The following RBM27 variants were observed in gnomAD, a reference collection of about 807,000 sequenced individuals.
RBM27 encodes the protein RNA-binding protein 27.
Under a neutral mutation model 135.3 loss-of-function variants are expected in RBM27, and 22 were observed. The ratio of observed to expected loss-of-function variants is 0.16; its 90% CI spans 0.12 to 0.23. The LOEUF (loss-of-function observed/expected upper bound fraction) is 0.23. Ranked by LOEUF, RBM27 falls within the 10% of genes least tolerant of loss-of-function variation. The pLI, the probability that RBM27 is intolerant of heterozygous loss-of-function variation, is 1.00. For missense variants in RBM27, 1,009 were observed against 1,281.0 expected (o/e 0.79, Z 3.24); for synonymous variants, 481 against 442.4 (o/e 1.09, Z -1.10).
intron 6 of RBM27, among the ~76,000 whole-genome samples, chr5:146,232,617 G>A (rs1756986256): frequency 6.6e-6 from 1 of 151,874 alleles, no homozygotes; most frequent in Admixed American, 6.6e-5. Context: ...TCACCAGGCA[G>A]GAGTGCAGTG....
chr5:146,228,016 A>G (rs1033690811), intron 3 of RBM27, among the ~76,000 whole-genome samples: 5 of 152,192 alleles, frequency 3.3e-5, no homozygotes, highest in Admixed American at 6.5e-5. Context: ...GTTTTACTCT[A>G]TGGTACTTAA....
chr5:146,228,063 A>G (rs899774850), intron 3 of RBM27, among the ~76,000 whole-genome samples: 1 of 152,168 alleles, frequency 6.6e-6, no homozygotes, highest in African/African-American at 2.4e-5. Flanking sequence ...TGAATTGTTT[A>G]TACTTTTCCT....
chr5:146,282,296 G>A (rs560650287), intron 19 of RBM27, among the ~76,000 whole-genome samples: 4 of 152,248 alleles, frequency 2.6e-5, no homozygotes, highest in Admixed American at 6.5e-5. Context: ...GTGAGCCACC[G>A]CACCCAGCCT....
chr5:146,215,639 A>G (rs1183226737), intron 1 of RBM27, among the ~76,000 whole-genome samples: 1 of 152,178 alleles, frequency 6.6e-6, no homozygotes, highest in Non-Finnish European at 1.5e-5. Flanking sequence ...ATATGAATGT[A>G]GACTAGAACT....
Position 146,203,748 on chromosome 5 carries a change from G to A in RBM27, c.-18G>A. 6.5e-7 allele frequency: 1 copy of A among 1,549,196 alleles called. No homozygotes were observed. Among genetic ancestry groups the A allele is most frequent in the Admixed American group, 2.0e-5 (1 of 50,898 alleles). On this transcript the variant is annotated 5_prime_UTR_variant, in exon 1 of 21. Coordinates refer to ENST00000265271, the MANE Select transcript of RBM27 (RefSeq NM_018989.2). ...AGGCCTGAAGAAGAGCGGCGGCCGA[G>A]CCCGCCTTCCCTGCACCATGCTCAT...
Position 146,269,288 on chromosome 5 carries a change from CAA to C in RBM27, c.2526+8_2526+9del, listed in dbSNP as rs750648173. The stretch of plus-strand genomic sequence containing the variant: ...GCAAATAGAATGCCAAAAGGTAAGA[CAA>C]GAGCTCATTATTTGCATGCTAGAAT... On this transcript the variant is annotated splice_region_variant and intron_variant, in intron 16 of 20. Coordinates refer to ENST00000265271, the MANE Select transcript of RBM27 (RefSeq NM_018989.2). 2 of 1,592,778 alleles carry C rather than the reference CAA, an allele frequency of 1.3e-6. No homozygotes were observed. The highest frequency in any genetic ancestry group is 2.2e-5 in the East Asian group (1 of 44,610).
At chr5:146,206,366 C>CTTTT (rs530310551) in intron 1 of RBM27, among the ~76,000 whole-genome samples, 1 of 92,690 alleles carries the variant, frequency 1.1e-5, no homozygotes, top group Non-Finnish European at 2.3e-5. Flanking sequence ...CTTGCTTAGG[C>CTTTT]TTTTTTTTTT....
intron 15 of RBM27, among the ~76,000 whole-genome samples, chr5:146,268,690 C>T (rs773589575): frequency 1.3e-5 from 2 of 152,092 alleles, no homozygotes; most frequent in Non-Finnish European, 2.9e-5. Flanking sequence ...TCAAATGATC[C>T]TCCCACCTTA....
At chr5:146,248,665 C>T (rs1184134275) in intron 8 of RBM27, among the ~76,000 whole-genome samples, 1 of 152,142 alleles carries the variant, frequency 6.6e-6, no homozygotes, top group African/African-American at 2.4e-5. Context: ...GGGGTTTCAC[C>T]CTATTGCCCA....
intron 1 of RBM27, among the ~76,000 whole-genome samples, chr5:146,208,708 T>C (rs1300431015): frequency 6.6e-6 from 1 of 152,166 alleles, no homozygotes; most frequent in African/African-American, 2.4e-5. Flanking sequence ...CCCTTTAAAG[T>C]AAGGTTCTGC....
intron 7 of RBM27, among the ~76,000 whole-genome samples, 157 bp downstream of exon 7, chr5:146,233,900 T>C (rs1757054933): frequency 6.6e-6 from 1 of 152,236 alleles, no homozygotes; most frequent in Non-Finnish European, 1.5e-5. Flanking sequence ...TTTTCTTTTT[T>C]TCATCCGTTA....
chr5:146,228,859 C>G (rs1431505997), intron 3 of RBM27, 87 bp from the exon 4 acceptor site: 2 of 1,023,584 alleles, frequency 2.0e-6, no homozygotes, highest in Non-Finnish European at 1.5e-6. Context: ...GCAGTCTTCC[C>G]ACCTGGACCT....
intron 5 of RBM27, among the ~76,000 whole-genome samples, 190 bp downstream of exon 5, chr5:146,230,100 G>A (rs1231996500): frequency 6.6e-6 from 1 of 152,150 alleles, no homozygotes; most frequent in African/African-American, 2.4e-5. Context: ...AGTCAAGGGA[G>A]TTTGATTAAA....
At chr5:146,248,176 G>T (rs1332774171) in intron 8 of RBM27, among the ~76,000 whole-genome samples, 1 of 146,040 alleles carries the variant, frequency 6.8e-6, no homozygotes, top group African/African-American at 2.5e-5. Context: ...AGTCTTTTTT[G>T]ATGTTCAGAT....
In RBM27 at chr5:146,245,924, G is replaced by C. The variant is rs115690670; in HGVS notation, c.1280-5787G>C. Among the ~76,000 whole-genome samples the C allele has an allele frequency of 2.9e-3, 442 of 152,316 alleles. 6 individuals are homozygous for C. The highest frequency in any genetic ancestry group is 9.5e-3 in the African/African-American group (394 of 41,566). On this transcript the variant is annotated intron_variant, in intron 8 of 20. Transcript: ENST00000265271. ...CCTAGTGTCAAAAAGCTTGGGGACT[G>C]CTGGTCTAGAGGCTTTCTCCCCCTT...
At chr5:146,257,475 A>G (rs553432054) in intron 10 of RBM27, among the ~76,000 whole-genome samples, 6 of 152,368 alleles carry the variant, frequency 3.9e-5, no homozygotes, top group African/African-American at 1.2e-4. Context: ...TAGATTCACC[A>G]GTAATATTTT....
chr5:146,231,605 A>G (rs1756935789), intron 6 of RBM27, among the ~76,000 whole-genome samples: 1 of 151,916 alleles, frequency 6.6e-6, no homozygotes, highest in African/African-American at 2.4e-5. Context: ...TAATTTTTTA[A>G]AAGAATTTTA....
intron 8 of RBM27, among the ~76,000 whole-genome samples, chr5:146,249,247 T>C (rs1010257297): frequency 6.6e-6 from 1 of 152,038 alleles, no homozygotes; most frequent in Non-Finnish European, 1.5e-5. Flanking sequence ...CCTCCCAAAT[T>C]GTTGGGTTTA....
intron 1 of RBM27, among the ~76,000 whole-genome samples, chr5:146,208,744 T>C (rs904500284): frequency 5.9e-5 from 9 of 152,238 alleles, no homozygotes; most frequent in Non-Finnish European, 1.2e-4. Context: ...AGTGCATCAC[T>C]AAAGAAATTT....
Sources: gnomAD v4.1 joint callset for allele counts (sites outside exome capture counted in the v4.1 genomes callset) on GRCh38, gnomAD v4.1.1 for gene constraint, MANE v1.5 for transcripts, NCBI Gene and HGNC (gene_info 2026-07-23, HGNC 2026-07-21) for gene names.